The following MTCL2 variants were observed in gnomAD, a reference collection of about 807,000 sequenced individuals.
MTCL2 encodes the protein microtubule cross-linking factor 2.
At chr20:36,825,100 A>G in the MTCL2 span, among the ~76,000 whole-genome samples, 2 of 151,186 alleles carry the variant, frequency 1.3e-5, no homozygotes, top group South Asian at 2.1e-4. Flanking sequence ...CCACCACCAC[A>G]CTTGGCTAAT....
At chr20:36,820,290 CAGAGAGG>C in the MTCL2 span, among the ~76,000 whole-genome samples, 1 of 152,156 alleles carries the variant, frequency 6.6e-6, no homozygotes, top group Admixed American at 6.5e-5. Context: ...AGTGAAGTGA[CAGAGAGG>C]AGAGCCAGGG....
At chr20:36,810,345 GAA>G in the MTCL2 span, among the ~76,000 whole-genome samples, 2 of 152,142 alleles carry the variant, frequency 1.3e-5, no homozygotes, top group African/African-American at 2.4e-5. Flanking sequence ...TTTTCTCTCT[GAA>G]ATTTATCTTA....
At chr20:36,835,005 A>G in the MTCL2 span, among the ~76,000 whole-genome samples, 2 of 152,028 alleles carry the variant, frequency 1.3e-5, no homozygotes, top group Non-Finnish European at 2.9e-5. Context: ...AAAAAAAAAA[A>G]GAAAAAGAAA....
At chr20:36,808,635 G>A in the MTCL2 span, 5 of 1,612,270 alleles carry the variant, frequency 3.1e-6, no homozygotes, top group East Asian at 6.7e-5. Context: ...TCCTGCACCA[G>A]CATGTTCTTC....
chr20:36,783,672 C>T, the MTCL2 span: 1 of 753,960 alleles, frequency 1.3e-6, no homozygotes, highest in African/African-American at 1.9e-5. Context: ...CTTCTTGGGA[C>T]CCCAATTCTC....
the MTCL2 span, chr20:36,815,837 G>A: frequency 8.1e-6 from 13 of 1,598,270 alleles, no homozygotes; most frequent in East Asian, 2.5e-4. This position sits in a 1 kb window ranked among gnomAD's most constrained non-coding sequence, Gnocchi z 5.3. Flanking sequence ...GCTTGTTCTG[G>A]TCCTCGAGCT....
chr20:36,855,678 C>CG, the MTCL2 span, among the ~76,000 whole-genome samples: 1 of 152,190 alleles, frequency 6.6e-6, no homozygotes, highest in African/African-American at 2.4e-5. Flanking sequence ...ATGCAAGACA[C>CG]GGGGCCTCCT....
chr20:36,783,722 G>A, the MTCL2 span: 2 of 976,840 alleles, frequency 2.0e-6, no homozygotes, highest in South Asian at 4.7e-5. Context: ...TTTCTGCTTT[G>A]GGAATGTTAC....
the MTCL2 span, among the ~76,000 whole-genome samples, chr20:36,814,902 T>A: frequency 6.6e-6 from 1 of 151,728 alleles, no homozygotes; most frequent in African/African-American, 2.4e-5. Flanking sequence ...AAATAAAAAA[T>A]AAATAAAAAT....
the MTCL2 span, chr20:36,805,820 C>A: frequency 6.5e-7 from 1 of 1,536,520 alleles, no homozygotes; most frequent in Non-Finnish European, 8.8e-7. Context: ...AATGAATGGA[C>A]ACAACAGGAC....
chr20:36,784,743 G>A, the MTCL2 span: 1 of 985,588 alleles, frequency 1.0e-6, no homozygotes, highest in Non-Finnish European at 1.2e-6. Context: ...GGAAGGGCGG[G>A]CAGCAGAGCT....
the MTCL2 span, among the ~76,000 whole-genome samples, chr20:36,811,166 T>C: frequency 3.3e-5 from 5 of 152,212 alleles, no homozygotes; most frequent in Admixed American, 1.3e-4. Flanking sequence ...TGTTTTGCAT[T>C]AAAAATTTTT....
At chr20:36,833,618 G>A in the MTCL2 span, among the ~76,000 whole-genome samples, 1 of 152,176 alleles carries the variant, frequency 6.6e-6, no homozygotes, top group Admixed American at 6.5e-5. Context: ...GGAGGTCGAG[G>A]TAGGAAGACT....
chr20:36,822,482 C>T, the MTCL2 span, among the ~76,000 whole-genome samples: 2 of 152,252 alleles, frequency 1.3e-5, no homozygotes, highest in Non-Finnish European at 2.9e-5. Flanking sequence ...AAGCATCTCC[C>T]TGTCTACAGG....
the MTCL2 span, chr20:36,816,250 T>A: frequency 1.2e-6 from 2 of 1,610,656 alleles, no homozygotes; most frequent in Non-Finnish European, 1.7e-6. Context: ...TTCTTGCACA[T>A]GAGGGCTGAC....
the MTCL2 span, among the ~76,000 whole-genome samples, chr20:36,836,542 C>T: frequency 6.6e-6 from 1 of 151,924 alleles, no homozygotes; most frequent in African/African-American, 2.4e-5. Flanking sequence ...CGGGGTTTCA[C>T]CATGTTGGCC....
At chr20:36,851,529 C>A in the MTCL2 span, among the ~76,000 whole-genome samples, 1 of 152,216 alleles carries the variant, frequency 6.6e-6, no homozygotes, top group East Asian at 1.9e-4. Flanking sequence ...AAGCCTTTGG[C>A]CTTGCAGTTT....
At chr20:36,840,331 A>ATT in the MTCL2 span, among the ~76,000 whole-genome samples, 1 of 141,978 alleles carries the variant, frequency 7.0e-6, no homozygotes, top group Non-Finnish European at 1.5e-5. Flanking sequence ...CGCCTGGCTA[A>ATT]TTTTTTTTTT....
the MTCL2 span, among the ~76,000 whole-genome samples, chr20:36,843,762 C>T: frequency 1.1e-4 from 16 of 152,230 alleles, no homozygotes; most frequent in South Asian, 1.0e-3. Context: ...CTAAGTGGAC[C>T]CCAAGCTCAG....
Sources: allele counts gnomAD v4.1 joint callset (sites outside exome capture counted in the v4.1 genomes callset), GRCh38; gene constraint gnomAD v4.1.1; non-coding constraint Gnocchi (gnomAD v3.1); transcripts MANE v1.5; gene names NCBI Gene and HGNC (gene_info 2026-07-23, HGNC 2026-07-21).